The following ITSN1 variants were observed in gnomAD, a reference collection of about 807,000 sequenced individuals.
ITSN1 encodes the protein intersectin-1.
In ITSN1, 58 loss-of-function variants were observed where a neutral mutation model predicts 239.8. The observed-to-expected ratio is 0.24, with a 90% CI of 0.20 to 0.30. The LOEUF (loss-of-function observed/expected upper bound fraction) is 0.30. Ranked by LOEUF, ITSN1 falls within the 10% of genes least tolerant of loss-of-function variation. ITSN1 has a pLI of 1.00. For synonymous variants in ITSN1, 780 were observed against 770.8 expected (o/e 1.01, Z -0.20); for missense variants, 1,558 against 2,103.3 (o/e 0.74, Z 5.07).
chr21:33,662,803 C>G (rs2089660737), intron 1 of ITSN1, among the ~76,000 whole-genome samples: 1 of 151,992 alleles, frequency 6.6e-6, no homozygotes, highest in Non-Finnish European at 1.5e-5. Context: ...TACTGAGTAC[C>G]CTTCATGTTT....
intron 29 of ITSN1, chr21:33,837,011 C>CT: frequency 6.2e-7 from 1 of 1,613,582 alleles, no homozygotes; most frequent in South Asian, 1.1e-5. Context: ...CCATCCCCCC[C>CT]TCAGGCTTGA....
intron 1 of ITSN1, among the ~76,000 whole-genome samples, chr21:33,652,675 C>T (rs148793503): frequency 6.6e-6 from 1 of 152,210 alleles, no homozygotes; most frequent in East Asian, 1.9e-4. Flanking sequence ...TGGGTAAAAC[C>T]ATCTCCAAAA....
rs397948229 is a variant in ITSN1, at chr21:33,778,571, CTTTTTTTTTTT to C, written c.1597-2875_1597-2865del. The stretch of plus-strand genomic sequence containing the variant: ...TGTATAAAGTTGTTTATAATATTCT[CTTTTTTTTTTT>C]TTTTTTTTTTTTTTGAGACGGAGTC... On this transcript the variant is annotated intron_variant, in intron 14 of 39. Coordinates refer to ENST00000381318, the MANE Select transcript of ITSN1 (RefSeq NM_003024.3). Among the ~76,000 whole-genome samples the C allele has an allele frequency of 6.7e-4, 43 of 63,954 alleles. 6 individuals are homozygous for C. The highest frequency in any genetic ancestry group is 2.8e-3 in the African/African-American group (37 of 13,106). The allele number at this position is 63,954 out of a possible 152,430, so 42.0% of individuals were successfully genotyped here. A position where few individuals can be genotyped will look rare whatever the true frequency, so the allele number is the denominator to read the frequency against.
chr21:33,802,379 C>T, intron 19 of ITSN1, 51 bp from the exon 20 acceptor site: 1 of 1,581,128 alleles, frequency 6.3e-7, no homozygotes, highest in Non-Finnish European at 8.7e-7. Flanking sequence ...TAAAGCATGT[C>T]ATTAAACATA....
intron 24 of ITSN1, among the ~76,000 whole-genome samples, chr21:33,822,944 C>T (rs1170137590): frequency 6.6e-6 from 1 of 152,160 alleles, no homozygotes; most frequent in Non-Finnish European, 1.5e-5. Flanking sequence ...CATAAGTTTT[C>T]AGGCACTTCA....
chr21:33,718,340 A>G (rs2065287259), intron 1 of ITSN1, among the ~76,000 whole-genome samples: 2 of 152,348 alleles, frequency 1.3e-5, no homozygotes, highest in South Asian at 2.1e-4. Flanking sequence ...TGGGTTTCAC[A>G]GAGTCCATAG....
intron 8 of ITSN1, among the ~76,000 whole-genome samples, chr21:33,761,123 T>C (rs1446496140): frequency 1.3e-5 from 2 of 152,044 alleles, no homozygotes; most frequent in African/African-American, 4.8e-5. Context: ...TTGCCCAGGA[T>C]GGAGTGCAGT....
At chr21:33,770,328 G>A (rs942070525) in intron 11 of ITSN1, among the ~76,000 whole-genome samples, 1 of 152,156 alleles carries the variant, frequency 6.6e-6, no homozygotes, top group Admixed American at 6.5e-5. Context: ...CTCCCAAAGT[G>A]CTGGGATTAC....
rs576845135 is a variant in ITSN1, at chr21:33,877,860, T to C, written c.4341+2339T>C. On this transcript the variant is annotated intron_variant, in intron 34 of 39. Transcript: ENST00000381318. ...GTGTGTGTGTGTGTGTGTGTGTGTG[T>C]GCCAGTTTTCTTGGAGTTAAAAAGT... 1.6e-4 allele frequency among the ~76,000 whole-genome samples: 24 copies of C among 146,104 alleles called. No individual in the cohort carries two copies. The South Asian group carries it at 3.9e-3, about 24-fold the overall frequency.
rs779876558 is a variant in ITSN1 at position 33,761,910 on chromosome 21, G to T, written c.725-13G>T. ...TGACTCATCTGTATGTCCTTTTCCT[G>T]GTTCCTGTTTAGGTCCCCAAGCAAG... On this transcript the variant is annotated splice_polypyrimidine_tract_variant and intron_variant, in intron 8 of 39. Coordinates refer to ENST00000381318, the MANE Select transcript of ITSN1 (RefSeq NM_003024.3). 6.2e-7 allele frequency: 1 copy of T among 1,608,690 alleles called. No homozygotes were observed. Among genetic ancestry groups the T allele is most frequent in the Admixed American group, 1.7e-5 (1 of 60,008 alleles).
chr21:33,885,442 G>A lies in ITSN1; in HGVS notation c.4763G>A (p.Arg1588His), dbSNP rs1164637837. ...TGTGTTTTTCCTGCCGTCATAGTCC[G>A]TTCCCAAAGGGCAACAGGCATTGGA... is the stretch of plus-strand genomic sequence containing the variant. Reference protein sequence around the residue: ...KKKREKAYLVRSQRATGIGRL... With the variant: ...KKKREKAYLVHSQRATGIGRL... The change falls in exon 38 of 40, where the codon CGT becomes CAT. Residue 1588 changes from arginine (R) to histidine (H), a missense_variant. By Grantham distance (29) the Arg-to-His change is conservative (BLOSUM62 0). Transcript: ENST00000381318. The A allele has an allele frequency of 2.5e-6, 4 of 1,613,814 alleles. No homozygotes were observed. The highest frequency in any genetic ancestry group is 3.3e-5 in the Admixed American group (2 of 60,000).
intron 20 of ITSN1, among the ~76,000 whole-genome samples, chr21:33,804,149 T>G (rs2072227963): frequency 6.6e-6 from 1 of 152,220 alleles, no homozygotes. Flanking sequence ...AGTCATCAGA[T>G]TCTCAGATTC....
At chr21:33,837,629 C>T (rs888310904) in intron 29 of ITSN1, 1 of 985,916 alleles carries the variant, frequency 1.0e-6, no homozygotes, top group African/African-American at 1.7e-5. Context: ...TTGTGTGTAT[C>T]AGCTGTACCT....
At chr21:33,858,246 TG>T (rs1979746743) in intron 30 of ITSN1, among the ~76,000 whole-genome samples, 1 of 152,196 alleles carries the variant, frequency 6.6e-6, no homozygotes, top group East Asian at 1.9e-4. Context: ...AGCTGCCGCC[TG>T]GGCTGCTCCT....
At chr21:33,657,550 G>A (rs1379831625) in intron 1 of ITSN1, among the ~76,000 whole-genome samples, 1 of 152,080 alleles carries the variant, frequency 6.6e-6, no homozygotes, top group Non-Finnish European at 1.5e-5. Context: ...TCTGTACCTG[G>A]AGCGGTGTCT....
At chr21:33,786,102 T>C (rs949450022) in intron 16 of ITSN1, among the ~76,000 whole-genome samples, 1 of 152,252 alleles carries the variant, frequency 6.6e-6, no homozygotes, top group Admixed American at 6.5e-5. Flanking sequence ...CTGCCCTTGC[T>C]ATGCATGATA....
At chr21:33,711,399 T>G (rs1252536000) in intron 1 of ITSN1, among the ~76,000 whole-genome samples, 1 of 152,132 alleles carries the variant, frequency 6.6e-6, no homozygotes, top group Non-Finnish European at 1.5e-5. Context: ...TCACTGTAAT[T>G]TCCTTTCTTC....
chr21:33,882,816 A>C lies in ITSN1; in HGVS notation c.4554+361A>C, dbSNP rs1985147885. Among the ~76,000 whole-genome samples, 1 of 152,190 alleles carries C rather than the reference A, an allele frequency of 6.6e-6. No individual in the cohort carries two copies. Among genetic ancestry groups the C allele is most frequent in the Non-Finnish European group, 1.5e-5 (1 of 68,038 alleles). ...GCACCCAGGGCCCACCGTCGCCTCC[A>C]AACAGTCCTAAGTCCCCTGCCAGAC... On this transcript the variant is annotated intron_variant, in intron 35 of 39. Coordinates refer to ENST00000381318, the MANE Select transcript of ITSN1 (RefSeq NM_003024.3). This position sits in a 1 kb window ranked among gnomAD's most constrained non-coding sequence, Gnocchi z 4.5.
intron 22 of ITSN1, among the ~76,000 whole-genome samples, chr21:33,815,471 G>A (rs1488886491): frequency 6.6e-6 from 1 of 152,178 alleles, no homozygotes; most frequent in Non-Finnish European, 1.5e-5. Context: ...GGGCAAAGAA[G>A]AGACCATTCA....
Sources: allele counts gnomAD v4.1 joint callset (sites outside exome capture counted in the v4.1 genomes callset), GRCh38; gene constraint gnomAD v4.1.1; non-coding constraint Gnocchi (gnomAD v3.1); transcripts MANE v1.5; gene names NCBI Gene and HGNC (gene_info 2026-07-23, HGNC 2026-07-21).